FAM13A: variants seen among roughly 807,000 people sequenced by gnomAD.
FAM13A encodes the protein protein FAM13A.
FAM13A carries 76 observed loss-of-function variants against 129.6 expected under a neutral mutation model. That is an observed-to-expected ratio of 0.59 (90% CI 0.49 to 0.71). FAM13A has a LOEUF of 0.71. Among genes scored for constraint, FAM13A ranks in the 30% least tolerant of loss-of-function variants. The pLI is 0.00. For missense variants in FAM13A, 1,108 were observed against 1,249.3 expected, an observed-to-expected ratio of 0.89 and a Z score of 1.70; for synonymous variants, 443 against 449.9, an observed-to-expected ratio of 0.98 and a Z score of 0.20.
rs374442786 is a variant in FAM13A at position 88,883,575 on chromosome 4, G to C, written c.843+22804C>G. ...ATCAAAAAGTCTGAAAGAGAACAAAGAGACAATCTAAGGTCACACCTCAAG... is the reference window on the plus strand; with the variant it reads ...ATCAAAAAGTCTGAAAGAGAACAAACAGACAATCTAAGGTCACACCTCAAG... On this transcript the variant is annotated intron_variant, in intron 6 of 23. Coordinates refer to ENST00000264344, the MANE Select transcript of FAM13A (RefSeq NM_014883.4). Among the ~76,000 whole-genome samples the C allele has an allele frequency of 1.6e-4, 24 of 151,976 alleles. No homozygotes were observed. In the South Asian group the frequency reaches 4.4e-3, roughly 28 times the overall value.
intron 4 of FAM13A, among the ~76,000 whole-genome samples, chr4:88,941,056 T>C (rs1292352348): frequency 6.6e-6 from 1 of 152,096 alleles, no homozygotes; most frequent in Non-Finnish European, 1.5e-5. Flanking sequence ...AATCATGACT[T>C]AGAGGGCAGA....
chr4:88,773,741 CT>C (rs1026425395), intron 11 of FAM13A, among the ~76,000 whole-genome samples: 33 of 152,300 alleles, frequency 2.2e-4, no homozygotes, highest in African/African-American at 7.5e-4. Context: ...TTTATTTCAT[CT>C]CTCCCTTGAC....
intron 7 of FAM13A, among the ~76,000 whole-genome samples, chr4:88,826,167 GC>G: frequency 6.6e-6 from 1 of 151,898 alleles, no homozygotes; most frequent in Non-Finnish European, 1.5e-5. Context: ...CTTTCACTGA[GC>G]CCCTTAATGT....
chr4:88,773,611 G>C (rs1395934804), intron 11 of FAM13A, among the ~76,000 whole-genome samples: 1 of 152,102 alleles, frequency 6.6e-6, no homozygotes, highest in Non-Finnish European at 1.5e-5. Flanking sequence ...AATGCTGGTA[G>C]GTCTCAGGGC....
At chr4:88,912,756 G>T (rs1749291190) in intron 5 of FAM13A, among the ~76,000 whole-genome samples, 1 of 152,034 alleles carries the variant, frequency 6.6e-6, no homozygotes. Context: ...TTTATTTTCT[G>T]AATCCTCTAC....
At chr4:88,778,846 C>T (rs1722289928) in intron 11 of FAM13A, among the ~76,000 whole-genome samples, 1 of 152,166 alleles carries the variant, frequency 6.6e-6, no homozygotes, top group Non-Finnish European at 1.5e-5. Flanking sequence ...CATAATGGTG[C>T]CTCTGTGGTT....
intron 7 of FAM13A, among the ~76,000 whole-genome samples, chr4:88,829,562 A>G (rs1578853529): frequency 6.6e-6 from 1 of 152,366 alleles, no homozygotes. Flanking sequence ...AGAATCATGA[A>G]GCCAAGATTT....
chr4:89,016,033 A>C (rs1398940), intron 3 of FAM13A, among the ~76,000 whole-genome samples: 2 of 151,700 alleles, frequency 1.3e-5, no homozygotes, highest in Admixed American at 6.6e-5. Flanking sequence ...GAAGTATTCC[A>C]TAAGAAGGCA....
Position 88,739,118 on chromosome 4 carries a change from T to G in FAM13A, c.2474A>C (p.Lys825Thr). The stretch of plus-strand genomic sequence containing the variant: ...TGGCTTCATCACCTGCCGTTCGTTC[T>G]TTGTTACCTGAAAAGCAAGAATGAG... The part of the protein sequence containing the change: ...YESIHGRPVT[K>T]NERQVMKPLY... Residue 825 changes from lysine to threonine, a missense_variant, in exon 20 of 24, where the codon AAG becomes ACG. Physicochemically the swap from Lys to Thr is moderately conservative, Grantham distance 78. Around this residue, in one of 3 missense-constraint regions of FAM13A, gnomAD observed 529 missense variants for 621.2 expected, o/e 0.85. Transcript: ENST00000264344. 6.2e-7 allele frequency: 1 copy of G among 1,613,256 alleles called. No homozygotes were observed. The highest frequency in any genetic ancestry group is 8.5e-7 in the Non-Finnish European group (1 of 1,179,262).
chr4:88,932,401 CT>C (rs1451331717), intron 5 of FAM13A, among the ~76,000 whole-genome samples: 1 of 152,214 alleles, frequency 6.6e-6, no homozygotes, highest in African/African-American at 2.4e-5. Context: ...CCTTTTGCCC[CT>C]GTGTTCCTAC....
chr4:88,878,016 C>T (rs1309368677), intron 6 of FAM13A, among the ~76,000 whole-genome samples: 8 of 151,988 alleles, frequency 5.3e-5, no homozygotes, highest in African/African-American at 1.7e-4. Flanking sequence ...TGGCTGGGCG[C>T]GGTGGCTCAC....
intron 19 of FAM13A, among the ~76,000 whole-genome samples, chr4:88,743,221 C>T (rs1211667655): frequency 2.0e-5 from 3 of 152,132 alleles, no homozygotes; most frequent in Non-Finnish European, 4.4e-5. Context: ...AAAGGGAACA[C>T]TAGCCAATAA....
chr4:89,051,789 C>T (rs1439645028), intron 1 of FAM13A, among the ~76,000 whole-genome samples: 1 of 152,128 alleles, frequency 6.6e-6, no homozygotes. Flanking sequence ...AATGGCAGGT[C>T]CTGAAAAAAA....
chr4:88,946,398 GTTC>G (rs1268538311), intron 4 of FAM13A, among the ~76,000 whole-genome samples: 2 of 81,810 alleles, frequency 2.4e-5, no homozygotes, highest in Non-Finnish European at 4.9e-5. Context: ...TTGCTCCCGC[GTTC>G]TTTTTTTTTT....
intron 6 of FAM13A, among the ~76,000 whole-genome samples, chr4:88,891,407 G>A (rs1044548771): frequency 2.0e-5 from 3 of 152,114 alleles, no homozygotes; most frequent in Non-Finnish European, 4.4e-5. Context: ...GTGAGACAGA[G>A]AGAACCTGCC....
At chr4:88,799,110 T>A (rs1726871434) in intron 8 of FAM13A, among the ~76,000 whole-genome samples, 1 of 152,104 alleles carries the variant, frequency 6.6e-6, no homozygotes. Context: ...AAATAAAAAA[T>A]AATGACTGGT....
rs555471309 is a variant in FAM13A at position 88,797,553 on chromosome 4, CTG to C, written c.1050-6928_1050-6927del. Among the ~76,000 whole-genome samples the C allele has an allele frequency of 9.2e-5, 14 of 152,328 alleles. No homozygotes were observed. The East Asian group carries it at 2.7e-3, about 29-fold the overall frequency. On this transcript the variant is annotated intron_variant, in intron 8 of 23. Coordinates refer to ENST00000264344, the MANE Select transcript of FAM13A (RefSeq NM_014883.4). ...GTGCTGGGATTACAGGAGAGAACTA[CTG>C]TGTCCAGCCTGTCACGTAGTTTTTA...
intron 7 of FAM13A, among the ~76,000 whole-genome samples, chr4:88,827,019 A>C (rs1023737344): frequency 4.0e-5 from 6 of 151,854 alleles, no homozygotes; most frequent in Admixed American, 3.9e-4. Context: ...ACTTCCCCCA[A>C]ATCTATCTCT....
chr4:88,873,960 C>T (rs1741908058), intron 6 of FAM13A, among the ~76,000 whole-genome samples: 1 of 152,152 alleles, frequency 6.6e-6, no homozygotes, highest in Non-Finnish European at 1.5e-5. Flanking sequence ...TTGGCTTCAT[C>T]CCTGGGATGC....
Sources: gnomAD v4.1 joint callset for allele counts (sites outside exome capture counted in the v4.1 genomes callset) on GRCh38, gnomAD v4.1.1 for gene constraint, gnomAD v4.1.1 regional missense constraint, MANE v1.5 for transcripts, NCBI Gene and HGNC (gene_info 2026-07-23, HGNC 2026-07-21) for gene names.